Variants in PTPRS observed in about 807,000 individuals in gnomAD.
PTPRS encodes the protein protein tyrosine phosphatase receptor type S.
A neutral mutation model predicts 215.3 loss-of-function variants in PTPRS; 63 were observed. The ratio of observed to expected loss-of-function variants is 0.29; its 90% CI spans 0.24 to 0.36. PTPRS has a LOEUF of 0.36. PTPRS is among the 10% of genes least tolerant of loss of function. The pLI is 1.00. For missense variants in PTPRS, 2,258 were observed against 2,825.8 expected, an observed-to-expected ratio of 0.80 and a Z score of 4.56; for synonymous variants, 1,404 against 1,191.4, an observed-to-expected ratio of 1.18 and a Z score of -3.68.
At position 5,215,556 on chromosome 19, in the gene PTPRS, G is replaced by C; in HGVS notation, c.4136C>G (p.Ala1379Gly). The C allele has an allele frequency of 1.2e-6, 2 of 1,611,226 alleles. No homozygotes were observed. The highest frequency in any genetic ancestry group is 1.7e-6 in the Non-Finnish European group (2 of 1,178,226). The change falls in exon 27 of 38, where the codon GCG (alanine) becomes GGG (glycine). Residue 1379 changes from alanine to glycine, a missense_variant. Physicochemically the swap from Ala to Gly is moderately conservative, Grantham distance 60 (BLOSUM62 0). Around this residue, in one of 6 missense-constraint regions of PTPRS, gnomAD observed 927 missense variants for 1,125.9 expected, o/e 0.82. Transcript: ENST00000262963. ...SHPPIPIADM[A>G]EHTERLKAND... Reference sequence around the variant, plus strand: ...GGCCTTGAGCCGCTCCGTGTGCTCCGCCATGTCTGCGATGGGAATTGGCGG... The same window carrying C: ...GGCCTTGAGCCGCTCCGTGTGCTCCCCCATGTCTGCGATGGGAATTGGCGG...
In PTPRS at chr19:5,215,294, A is replaced by G. The variant is rs766847307; in HGVS notation, c.4313T>C (p.Ile1438Thr). 20 of 1,613,802 alleles carry G rather than the reference A, an allele frequency of 1.2e-5. No individual in the cohort carries two copies. Among genetic ancestry groups the G allele is most frequent in the Admixed American group, 3.3e-5 (2 of 60,006 alleles). ...ACCCGGGATCTCCGAACTACCTTCAATGGGCTGGAGGATGACACGGGAGTG... is the reference window on the plus strand; with the variant it reads ...ACCCGGGATCTCCGAACTACCTTCAGTGGGCTGGAGGATGACACGGGAGTG... ...YDHSRVILQP[I>T]EGIMGSDYIN... The change falls in exon 28 of 38, where the codon ATT becomes ACT. Residue 1438 changes from isoleucine (I) to threonine (T), a missense_variant. Transcript: ENST00000262963.
At chr19:5,230,706 C>G (rs751143835) in intron 14 of PTPRS, among the ~76,000 whole-genome samples, 1 of 152,180 alleles carries the variant, frequency 6.6e-6, no homozygotes, top group African/African-American at 2.4e-5. Context: ...TATGATCCTC[C>G]TGCCTTGGCC....
chr19:5,219,810 T>G, intron 22 of PTPRS, 129 bp downstream of exon 22: 1 of 1,102,550 alleles, frequency 9.1e-7, no homozygotes, highest in Non-Finnish European at 1.3e-6. Flanking sequence ...CTCCCAAGTC[T>G]TCCCCTCTGC....
intron 10 of PTPRS, 60 bp downstream of exon 10, chr19:5,245,716 G>GA (rs1229906824): frequency 6.7e-7 from 1 of 1,503,520 alleles, no homozygotes; most frequent in Non-Finnish European, 8.9e-7. Context: ...ACCTGTGCCT[G>GA]AAGTCGGGGA....
intron 1 of PTPRS, among the ~76,000 whole-genome samples, chr19:5,304,508 G>T (rs1247937518): frequency 1.3e-5 from 2 of 151,946 alleles, no homozygotes; most frequent in African/African-American, 4.8e-5. Context: ...AATTAGCCAG[G>T]CATGGTGGTG....
At chr19:5,246,172 A>C in intron 9 of PTPRS, 127 bp from the exon 10 acceptor site, 1 of 491,740 alleles carries the variant, frequency 2.0e-6, no homozygotes, top group Non-Finnish European at 3.2e-6. Context: ...AGAAGGAAAG[A>C]AAGAAAAAAA....
chr19:5,239,597 AAC>A (rs1491159479), intron 12 of PTPRS, among the ~76,000 whole-genome samples: 11 of 149,246 alleles, frequency 7.4e-5, no homozygotes, highest in Non-Finnish European at 1.5e-4. Context: ...CAGAGACAGA[AAC>A]ACAGAGAAAC....
In PTPRS at chr19:5,210,370, AT is replaced by A; in HGVS notation, c.5487+98del. The A allele has an allele frequency of 6.5e-7, 1 of 1,530,582 alleles. No individual in the cohort carries two copies. The highest frequency in any genetic ancestry group is 8.9e-7 in the Non-Finnish European group (1 of 1,120,162). The allele number at this position is 1,530,582 out of a possible 1,614,324, so 94.8% of individuals were successfully genotyped here. A position where few individuals can be genotyped will look rare whatever the true frequency, so the allele number is the denominator to read the frequency against. Reference sequence around the variant, plus strand: ...ACACTTCTCCTGATTCCCAATGCTTATGCCTAACCCTTGGCCTTTGTATCCA... The same window carrying A: ...ACACTTCTCCTGATTCCCAATGCTTAGCCTAACCCTTGGCCTTTGTATCCA... On this transcript the variant is annotated intron_variant, in intron 35 of 37. Coordinates refer to ENST00000262963, the MANE Select transcript of PTPRS (RefSeq NM_002850.4). The surrounding 1 kb of genome is among the most constrained non-coding windows in gnomAD (Gnocchi z 4.5).
intron 4 of PTPRS, among the ~76,000 whole-genome samples, chr19:5,269,598 G>A (rs922973387): frequency 1.2e-4 from 19 of 152,066 alleles, no homozygotes; most frequent in African/African-American, 4.6e-4. Flanking sequence ...AGCCCAAGCA[G>A]GCCCTTCCAG....
chr19:5,209,937 A>G (rs2144977728), intron 35 of PTPRS, among the ~76,000 whole-genome samples: 1 of 152,108 alleles, frequency 6.6e-6, no homozygotes, highest in South Asian at 2.1e-4. Context: ...ATCTTCCACC[A>G]CTAACTTTGA....
rs375487333 is a variant in PTPRS at position 5,293,671 on chromosome 19, C to A, written c.-94-7437G>T. 6.6e-6 allele frequency among the ~76,000 whole-genome samples: 1 copy of A among 152,016 alleles called. No individual in the cohort carries two copies. The highest frequency in any genetic ancestry group is 2.4e-5 in the African/African-American group (1 of 41,400). The stretch of plus-strand genomic sequence containing the variant: ...GTCGGAGAAGGGGCAGAGTTCCCCT[C>A]CCAGTCTGGGTGGGACCGGAGGCAC... On this transcript the variant is annotated intron_variant, in intron 1 of 37. Transcript: ENST00000262963. This position sits in a 1 kb window ranked among gnomAD's most constrained non-coding sequence, Gnocchi z 8.4.
intron 13 of PTPRS, among the ~76,000 whole-genome samples, chr19:5,238,140 T>C (rs1057070563): frequency 1.1e-4 from 16 of 152,102 alleles, no homozygotes; most frequent in African/African-American, 3.9e-4. Context: ...CACGCTGGGC[T>C]GAGCGGAGCC....
chr19:5,275,529 G>A (rs1201068441), intron 2 of PTPRS, among the ~76,000 whole-genome samples: 1 of 146,610 alleles, frequency 6.8e-6, no homozygotes, highest in Non-Finnish European at 1.5e-5. Flanking sequence ...TGGGACTACA[G>A]GTGAAGGCCA....
At chr19:5,324,511 T>A (rs1344975228) in intron 1 of PTPRS, among the ~76,000 whole-genome samples, 1 of 152,128 alleles carries the variant, frequency 6.6e-6, no homozygotes, top group East Asian at 1.9e-4. Flanking sequence ...CGGCAGCTGA[T>A]CAGACCAGGG....
intron 4 of PTPRS, among the ~76,000 whole-genome samples, chr19:5,270,044 T>C (rs1447987813): frequency 1.3e-5 from 2 of 150,186 alleles, no homozygotes; most frequent in African/African-American, 2.5e-5. Context: ...GTGCTCAGAG[T>C]GCAGGCTGGC....
chr19:5,209,170 C>T (rs1599342466), intron 35 of PTPRS, among the ~76,000 whole-genome samples: 1 of 152,314 alleles, frequency 6.6e-6, no homozygotes. Flanking sequence ...CTTAACCATT[C>T]AGTGATGGCA....
At chr19:5,218,699 C>T in intron 24 of PTPRS, 88 bp downstream of exon 24, 2 of 1,559,564 alleles carry the variant, frequency 1.3e-6, no homozygotes, top group South Asian at 1.1e-5. Context: ...GGCAGCCGGG[C>T]ATCCCCTCTC....
At chr19:5,255,498 A>T (rs1001108236) in intron 9 of PTPRS, among the ~76,000 whole-genome samples, 45 of 152,116 alleles carry the variant, frequency 3.0e-4, no homozygotes, top group African/African-American at 1.1e-3. Flanking sequence ...GCTTTGGGGG[A>T]GAAGAGGACC....
chr19:5,274,684 G>GA (rs1166256909), intron 2 of PTPRS, among the ~76,000 whole-genome samples: 27 of 151,746 alleles, frequency 1.8e-4, no homozygotes, highest in Admixed American at 1.8e-3. Context: ...GTGCCACTGG[G>GA]AAAGATGGAA....
Sources: gnomAD v4.1 joint callset for allele counts (sites outside exome capture counted in the v4.1 genomes callset) on GRCh38, gnomAD v4.1.1 for gene constraint, gnomAD v4.1.1 regional missense constraint, Gnocchi (gnomAD v3.1) non-coding constraint, MANE v1.5 for transcripts, NCBI Gene and HGNC (gene_info 2026-07-23, HGNC 2026-07-21) for gene names.